Variants in H2BC15 observed in about 807,000 individuals in gnomAD.
H2BC15 encodes H2B clustered histone 15.
A neutral mutation model predicts 6.6 loss-of-function variants in H2BC15; 5 were observed. That is an observed-to-expected ratio of 0.75 (90% CI 0.39 to 1.59). The LOEUF (loss-of-function observed/expected upper bound fraction) is 1.59. Ranked by LOEUF, H2BC15 falls within the 40% of genes most tolerant of loss-of-function variation. H2BC15 has a pLI of 0.02. For synonymous variants in H2BC15, 87 were observed against 75.2 expected (o/e 1.16, Z -0.81); for missense variants, 148 against 169.4 (o/e 0.87, Z 0.70).
rs1363348395 is a variant in H2BC15, at chr6:27,838,763, C to T, written c.102C>T (p.Arg34=). 3 of 1,614,266 alleles carry T rather than the reference C, an allele frequency of 1.9e-6. No individual in the cohort carries two copies. Among genetic ancestry groups the T allele is most frequent in the Non-Finnish European group, 2.5e-6 (3 of 1,180,042 alleles). The change falls in exon 1 of 1, where the codon CGC becomes CGT. Residue 34 remains arginine, a synonymous_variant. Transcript: ENST00000612898. ...KKDGKKRKRS[R]KESYSVYVYK... is the part of the protein sequence containing the mutation. ...ACGGCAAGAAGCGCAAGCGCAGCCG[C>T]AAGGAGAGCTACTCCGTGTACGTGT...
At position 27,838,793 on chromosome 6, in the gene H2BC15, G is replaced by A. The variant is rs565273631; in HGVS notation, c.132G>A (p.Lys44=). 1.2e-5 allele frequency: 20 copies of A among 1,614,272 alleles called. No individual in the cohort carries two copies. In the African/African-American group the frequency reaches 2.3e-4, roughly 18 times the overall value. ...AGAGCTACTCCGTGTACGTGTACAA[G>A]GTGCTGAAGCAGGTCCACCCCGACA... ...RKESYSVYVY[K]VLKQVHPDTG... Residue 44 remains lysine, a synonymous_variant, in exon 1 of 1, where the codon AAG becomes AAA. Coordinates refer to ENST00000612898, the MANE Select transcript of H2BC15 (RefSeq NM_003520.4).
Position 27,838,792 on chromosome 6 carries a change from A to G in H2BC15, c.131A>G (p.Lys44Arg). 6.2e-7 allele frequency: 1 copy of G among 1,614,268 alleles called. No homozygotes were observed. The highest frequency in any genetic ancestry group is 8.5e-7 in the Non-Finnish European group (1 of 1,180,046). Residue 44 changes from lysine (K) to arginine (R), a missense_variant, in exon 1 of 1, where the codon AAG becomes AGG. By Grantham distance (26) the Lys-to-Arg change is conservative (BLOSUM62 2). This residue lies in a region of H2BC15 where 90 missense variants were observed against 74.7 expected (regional missense o/e 1.20). Coordinates refer to ENST00000612898, the MANE Select transcript of H2BC15 (RefSeq NM_003520.4). ...GAGAGCTACTCCGTGTACGTGTACA[A>G]GGTGCTGAAGCAGGTCCACCCCGAC... ...RKESYSVYVYKVLKQVHPDTG... is the reference protein window; with the variant it reads ...RKESYSVYVYRVLKQVHPDTG...
In H2BC15 at chr6:27,838,584, C is replaced by T; in HGVS notation, c.-78C>T. On this transcript the variant is annotated 5_prime_UTR_variant, in exon 1 of 1. Coordinates refer to ENST00000612898, the MANE Select transcript of H2BC15 (RefSeq NM_003520.4). Reference sequence around the variant, plus strand: ...TCTCTACCCCACTTGCGTTAAGAAGCAGTGAATAAGCGGTAGGTTGACAGA... The same window carrying T: ...TCTCTACCCCACTTGCGTTAAGAAGTAGTGAATAAGCGGTAGGTTGACAGA... 1 of 1,570,770 alleles carries T rather than the reference C, an allele frequency of 6.4e-7. No individual in the cohort carries two copies. Among genetic ancestry groups the T allele is most frequent in the Non-Finnish European group, 8.6e-7 (1 of 1,158,806 alleles).
In H2BC15 at chr6:27,838,829, G is replaced by A. The variant is rs377742867; in HGVS notation, c.168G>A (p.Ser56=). ...LKQVHPDTGI[S]SKAMGIMNSF... ...AGGTCCACCCCGACACCGGTATCTC[G>A]TCCAAGGCCATGGGCATCATGAACT... The change falls in exon 1 of 1, where the codon TCG becomes TCA. Residue 56 remains serine, a synonymous_variant. Coordinates refer to ENST00000612898, the MANE Select transcript of H2BC15 (RefSeq NM_003520.4). 3 of 1,614,270 alleles carry A rather than the reference G, an allele frequency of 1.9e-6. No individual in the cohort carries two copies. The Admixed American group carries it at 5.0e-5, about 27-fold the overall frequency.
At position 27,838,578 on chromosome 6, in the gene H2BC15, A is replaced by G; in HGVS notation, c.-84A>G. ...CTTCATTCTCTACCCCACTTGCGTTAAGAAGCAGTGAATAAGCGGTAGGTT... is the reference window on the plus strand; with the variant it reads ...CTTCATTCTCTACCCCACTTGCGTTGAGAAGCAGTGAATAAGCGGTAGGTT... On this transcript the variant is annotated 5_prime_UTR_variant, in exon 1 of 1. Coordinates refer to ENST00000612898, the MANE Select transcript of H2BC15 (RefSeq NM_003520.4). 6.4e-7 allele frequency: 1 copy of G among 1,564,796 alleles called. No homozygotes were observed. Among genetic ancestry groups the G allele is most frequent in the East Asian group, 2.2e-5 (1 of 44,572 alleles).
rs1761093924 is a variant in H2BC15, at chr6:27,838,926, A to G, written c.265A>G (p.Thr89Ala). 1 of 1,614,092 alleles carries G rather than the reference A, an allele frequency of 6.2e-7. No homozygotes were observed. The highest frequency in any genetic ancestry group is 8.5e-7 in the Non-Finnish European group (1 of 1,180,056). The change falls in exon 1 of 1, where the codon ACC (threonine) becomes GCC (alanine). Residue 89 changes from threonine to alanine, a missense_variant. Thr to Ala is a moderately conservative substitution (Grantham distance 58). Coordinates refer to ENST00000612898, the MANE Select transcript of H2BC15 (RefSeq NM_003520.4). ...CCTGGCGCATTACAACAAGCGCTCG[A>G]CCATCACCTCCAGGGAGATCCAGAC... is the stretch of plus-strand genomic sequence containing the variant. ...SRLAHYNKRS[T>A]ITSREIQTAV...
At position 27,838,647 on chromosome 6, in the gene H2BC15, C is replaced by A; in HGVS notation, c.-15C>A. 1 of 1,610,402 alleles carries A rather than the reference C, an allele frequency of 6.2e-7. No individual in the cohort carries two copies. The highest frequency in any genetic ancestry group is 1.3e-5 in the African/African-American group (1 of 74,686). ...CTGTTTTTTTCCTCCAATTTTCCGG[C>A]AGTTACTCCCAGTCATGCCCGAGCC... On this transcript the variant is annotated 5_prime_UTR_variant, in exon 1 of 1. Transcript: ENST00000612898.
chr6:27,838,624 G>GT lies in H2BC15; in HGVS notation c.-31dup, dbSNP rs770490807. The GT allele has an allele frequency of 3.7e-6, 6 of 1,609,088 alleles. No homozygotes were observed. Among genetic ancestry groups the GT allele is most frequent in the African/African-American group, 2.7e-5 (2 of 74,530 alleles). ...AGGTTGACAGAGCTACCGTCTTCCT[G>GT]TTTTTTTCCTCCAATTTTCCGGCAG... On this transcript the variant is annotated 5_prime_UTR_variant, in exon 1 of 1. Transcript: ENST00000612898.
chr6:27,838,739 C>G lies in H2BC15; in HGVS notation c.78C>G (p.Asp26Glu). The G allele has an allele frequency of 7.4e-6, 12 of 1,614,220 alleles. No homozygotes were observed. The highest frequency in any genetic ancestry group is 1.0e-5 in the Non-Finnish European group (12 of 1,180,034). Residue 26 changes from aspartate to glutamate, a missense_variant, in exon 1 of 1, where the codon GAC (aspartate) becomes GAG (glutamate). Coordinates refer to ENST00000612898, the MANE Select transcript of H2BC15 (RefSeq NM_003520.4). The part of the protein sequence containing the change: ...KKAVTKAQKK[D>E]GKKRKRSRKE... ...CAGTGACAAAGGCCCAGAAGAAGGA[C>G]GGCAAGAAGCGCAAGCGCAGCCGCA...
rs1235212013 is a variant in H2BC15, at chr6:27,838,616, G to C, written c.-46G>C. The C allele has an allele frequency of 5.6e-6, 9 of 1,606,622 alleles. No individual in the cohort carries two copies. Among genetic ancestry groups the C allele is most frequent in the Non-Finnish European group, 7.7e-6 (9 of 1,176,296 alleles). ...TAAGCGGTAGGTTGACAGAGCTACC[G>C]TCTTCCTGTTTTTTTCCTCCAATTT... On this transcript the variant is annotated 5_prime_UTR_variant, in exon 1 of 1. Transcript: ENST00000612898.
At position 27,839,050 on chromosome 6, in the gene H2BC15, C is replaced by G; in HGVS notation, c.*8C>G. The G allele has an allele frequency of 1.2e-6, 2 of 1,613,394 alleles. No homozygotes were observed. The highest frequency in any genetic ancestry group is 1.7e-6 in the Non-Finnish European group (2 of 1,179,530). On this transcript the variant is annotated 3_prime_UTR_variant, in exon 1 of 1. Coordinates refer to ENST00000612898, the MANE Select transcript of H2BC15 (RefSeq NM_003520.4). ...TACACCAGTTCCAAGTGAGCCCGCC[C>G]ACCGCGGAACGTTCGGTCAGTCTCG... is the stretch of plus-strand genomic sequence containing the variant.
In H2BC15 at chr6:27,838,960, GC is replaced by G; in HGVS notation, c.301del (p.Leu101CysfsTer?). 1 of 1,614,246 alleles carries G rather than the reference GC, an allele frequency of 6.2e-7. No individual in the cohort carries two copies. Among genetic ancestry groups the G allele is most frequent in the Non-Finnish European group, 8.5e-7 (1 of 1,180,036 alleles). ...TCCAGGGAGATCCAGACGGCCGTGC[GC>G]CTGCTGCTGCCAGGGGAGCTGGCCA... ...ITSREIQTAV[R>X]LLLPGELAKH... On this transcript the variant is annotated frameshift_variant, in exon 1 of 1. Transcript: ENST00000612898. LOFTEE classifies it high-confidence loss of function.
chr6:27,838,764 A>G lies in H2BC15; in HGVS notation c.103A>G (p.Lys35Glu). The G allele has an allele frequency of 6.2e-7, 1 of 1,614,244 alleles. No homozygotes were observed. The highest frequency in any genetic ancestry group is 8.5e-7 in the Non-Finnish European group (1 of 1,180,036). The change falls in exon 1 of 1, where the codon AAG becomes GAG. Residue 35 changes from lysine (K) to glutamate (E), a missense_variant. Lys to Glu is a moderately conservative substitution (Grantham distance 56). Around this residue, in one of 2 missense-constraint regions of H2BC15, gnomAD observed 90 missense variants for 74.7 expected, o/e 1.20. Coordinates refer to ENST00000612898, the MANE Select transcript of H2BC15 (RefSeq NM_003520.4). ...KDGKKRKRSR[K>E]ESYSVYVYKV... ...CGGCAAGAAGCGCAAGCGCAGCCGC[A>G]AGGAGAGCTACTCCGTGTACGTGTA...
Position 27,838,947 on chromosome 6 carries a change from C to CT in H2BC15, c.286_287insT (p.Gln96LeufsTer?), listed in dbSNP as rs1561934063. ...CTCGACCATCACCTCCAGGGAGATC[C>CT]AGACGGCCGTGCGCCTGCTGCTGCC... On this transcript the variant is annotated frameshift_variant, in exon 1 of 1. Coordinates refer to ENST00000612898, the MANE Select transcript of H2BC15 (RefSeq NM_003520.4). LOFTEE classifies it high-confidence loss of function. 1 of 1,614,136 alleles carries CT rather than the reference C, an allele frequency of 6.2e-7. No homozygotes were observed. Among genetic ancestry groups the CT allele is most frequent in the African/African-American group, 1.3e-5 (1 of 74,954 alleles).
Position 27,838,806 on chromosome 6 carries a change from G to T in H2BC15, c.145G>T (p.Val49Phe). The T allele has an allele frequency of 6.2e-7, 1 of 1,614,246 alleles. No homozygotes were observed. Residue 49 changes from valine (V) to phenylalanine (F), a missense_variant, in exon 1 of 1, where the codon GTC becomes TTC. By Grantham distance (50) the Val-to-Phe change is conservative. Around this residue, in one of 2 missense-constraint regions of H2BC15, gnomAD observed 90 missense variants for 74.7 expected, o/e 1.20. Coordinates refer to ENST00000612898, the MANE Select transcript of H2BC15 (RefSeq NM_003520.4). ...SVYVYKVLKQ[V>F]HPDTGISSKA... ...GTACGTGTACAAGGTGCTGAAGCAGGTCCACCCCGACACCGGTATCTCGTC... is the reference window on the plus strand; with the variant it reads ...GTACGTGTACAAGGTGCTGAAGCAGTTCCACCCCGACACCGGTATCTCGTC...
rs141058151 is a variant in H2BC15, at chr6:27,838,574, C to G, written c.-88C>G. 875 of 1,557,826 alleles carry G rather than the reference C, an allele frequency of 5.6e-4. 1 individual carries two copies. The highest frequency in any genetic ancestry group is 5.5e-4 in the Non-Finnish European group (633 of 1,151,908). ...ACAACTTCATTCTCTACCCCACTTG[C>G]GTTAAGAAGCAGTGAATAAGCGGTA... On this transcript the variant is annotated 5_prime_UTR_variant, in exon 1 of 1. Transcript: ENST00000612898.
chr6:27,839,092 C>T lies in H2BC15; in HGVS notation c.*50C>T, dbSNP rs751407212. 1.9e-6 allele frequency: 3 copies of T among 1,596,908 alleles called. No individual in the cohort carries two copies. The highest frequency in any genetic ancestry group is 1.7e-5 in the Admixed American group (1 of 57,326). On this transcript the variant is annotated 3_prime_UTR_variant, in exon 1 of 1. Coordinates refer to ENST00000612898, the MANE Select transcript of H2BC15 (RefSeq NM_003520.4). ...TCAGTCTCGGCCCACACCCCAAAGGCTCTTTTCAGAGCCACTCAGTCTTCC... is the reference window on the plus strand; with the variant it reads ...TCAGTCTCGGCCCACACCCCAAAGGTTCTTTTCAGAGCCACTCAGTCTTCC...
In H2BC15 at chr6:27,838,788, T is replaced by C. The variant is rs778946406; in HGVS notation, c.127T>C (p.Tyr43His). 8.1e-6 allele frequency: 13 copies of C among 1,614,126 alleles called. No homozygotes were observed. The highest frequency in any genetic ancestry group is 1.1e-5 in the Non-Finnish European group (13 of 1,180,052). The part of the protein sequence containing the change: ...SRKESYSVYV[Y>H]KVLKQVHPDT... The stretch of plus-strand genomic sequence containing the variant: ...CAAGGAGAGCTACTCCGTGTACGTG[T>C]ACAAGGTGCTGAAGCAGGTCCACCC... Residue 43 changes from tyrosine (Y) to histidine (H), a missense_variant, in exon 1 of 1, where the codon TAC (tyrosine) becomes CAC (histidine). Tyr to His is a moderately conservative substitution (Grantham distance 83). This residue lies in a region of H2BC15 where 90 missense variants were observed against 74.7 expected (regional missense o/e 1.20). Coordinates refer to ENST00000612898, the MANE Select transcript of H2BC15 (RefSeq NM_003520.4).
In H2BC15 at chr6:27,838,774, A is replaced by G; in HGVS notation, c.113A>G (p.Tyr38Cys). The G allele has an allele frequency of 6.2e-7, 1 of 1,614,180 alleles. No individual in the cohort carries two copies. The highest frequency in any genetic ancestry group is 1.1e-5 in the South Asian group (1 of 91,092). Residue 38 changes from tyrosine (Y) to cysteine (C), a missense_variant, in exon 1 of 1, where the codon TAC (tyrosine) becomes TGC (cysteine). By Grantham distance (194) the Tyr-to-Cys change is radical. This residue lies in a region of H2BC15 where 90 missense variants were observed against 74.7 expected (regional missense o/e 1.20). Coordinates refer to ENST00000612898, the MANE Select transcript of H2BC15 (RefSeq NM_003520.4). ...KKRKRSRKES[Y>C]SVYVYKVLKQ... ...CGCAAGCGCAGCCGCAAGGAGAGCT[A>G]CTCCGTGTACGTGTACAAGGTGCTG...
Sources: gnomAD v4.1 joint callset for allele counts on GRCh38, gnomAD v4.1.1 for gene constraint, gnomAD v4.1.1 regional missense constraint, MANE v1.5 for transcripts, NCBI Gene and HGNC (gene_info 2026-07-23, HGNC 2026-07-21) for gene names.